The following STAG3 variants were observed in gnomAD, a reference collection of about 807,000 sequenced individuals.
STAG3 encodes cohesin subunit SA-3.
A neutral mutation model predicts 160.7 loss-of-function variants in STAG3; 101 were observed. The ratio of observed to expected loss-of-function variants is 0.63; its 90% CI spans 0.54 to 0.74. The LOEUF (loss-of-function observed/expected upper bound fraction) is 0.74, where lower values mean the gene tolerates loss of function less well. Among genes scored for constraint, STAG3 ranks in the 30% least tolerant of loss-of-function variants. The pLI, the probability that STAG3 is intolerant of heterozygous loss-of-function variation, is 0.00. For missense variants in STAG3, 1,188 were observed against 1,517.4 expected (o/e 0.78, Z 3.61); for synonymous variants, 519 against 585.0 (o/e 0.89, Z 1.63).
intron 29 of STAG3, among the ~76,000 whole-genome samples, chr7:100,208,482 G>A (rs1405344428): frequency 6.6e-6 from 1 of 152,134 alleles, no homozygotes; most frequent in Non-Finnish European, 1.5e-5. Flanking sequence ...AGAATGATGA[G>A]AGCTTTACCA....
intron 8 of STAG3, among the ~76,000 whole-genome samples, chr7:100,192,543 T>C (rs1314137376): frequency 1.3e-5 from 2 of 152,098 alleles, no homozygotes; most frequent in African/African-American, 4.8e-5. Context: ...TAAAATAAAA[T>C]AAGATAAAAT....
chr7:100,208,684 G>A (rs990770337), intron 29 of STAG3, among the ~76,000 whole-genome samples: 1 of 152,198 alleles, frequency 6.6e-6, no homozygotes, highest in African/African-American at 2.4e-5. Context: ...AAACTGAAGA[G>A]TTTGTTTTTA....
intron 8 of STAG3, among the ~76,000 whole-genome samples, chr7:100,193,592 TTC>T (rs1319968700): frequency 6.6e-6 from 1 of 152,260 alleles, no homozygotes; most frequent in Non-Finnish European, 1.5e-5. Flanking sequence ...TGGAGAGGGC[TTC>T]TTTCCTTAAA....
chr7:100,217,315 CTTCT>C (rs1802846368), downstream of STAG3, among the ~76,000 whole-genome samples: 1 of 152,218 alleles, frequency 6.6e-6, no homozygotes, highest in Non-Finnish European at 1.5e-5. Flanking sequence ...AGGGCTCTGG[CTTCT>C]CAGCAGCACC....
intron 14 of STAG3, 109 bp downstream of exon 14, chr7:100,199,066 G>C: frequency 9.4e-7 from 1 of 1,066,498 alleles, no homozygotes; most frequent in Non-Finnish European, 1.4e-6. Context: ...GAGGTGGGAG[G>C]ATCCTTTGAG....
chr7:100,197,610 TTAAG>T (rs1178132602), intron 10 of STAG3, 164 bp from the exon 11 acceptor site: 4 of 692,452 alleles, frequency 5.8e-6, no homozygotes, highest in South Asian at 3.4e-5. Context: ...CTTTTGTTTT[TTAAG>T]TAAGAAGACA....
chr7:100,208,112 T>C (rs1255095449), intron 29 of STAG3, among the ~76,000 whole-genome samples: 2 of 151,464 alleles, frequency 1.3e-5, no homozygotes, highest in Non-Finnish European at 2.9e-5. Context: ...CGAGATACTG[T>C]CTCAGAAAAA....
At chr7:100,188,075 C>T (rs1326428793) in intron 5 of STAG3, among the ~76,000 whole-genome samples, 2 of 152,080 alleles carry the variant, frequency 1.3e-5, no homozygotes, top group Non-Finnish European at 2.9e-5. Context: ...CTTCTTTAGG[C>T]CGTTCTTGTT....
chr7:100,198,082 T>A lies in STAG3; in HGVS notation c.1165-5T>A. The A allele has an allele frequency of 6.2e-7, 1 of 1,613,974 alleles. No homozygotes were observed. The highest frequency in any genetic ancestry group is 1.7e-4 in the Middle Eastern group (1 of 6,056). ...AGATATTGAGTGACTTTCTCCTTTCTGCAGGACCGGATGGTTTCCATGGTC... is the reference window on the plus strand; with the variant it reads ...AGATATTGAGTGACTTTCTCCTTTCAGCAGGACCGGATGGTTTCCATGGTC... On this transcript the variant is annotated splice_polypyrimidine_tract_variant and splice_region_variant and intron_variant, in intron 11 of 33. Transcript: ENST00000615138.
intron 26 of STAG3, among the ~76,000 whole-genome samples, 162 bp downstream of exon 26, chr7:100,204,284 GTAT>G (rs1316147813): frequency 1.3e-5 from 2 of 152,142 alleles, no homozygotes; most frequent in African/African-American, 4.8e-5. Context: ...CCCTTGGGAA[GTAT>G]TTTTTTTTTA....
At chr7:100,217,719 G>T (rs1440477768), downstream of STAG3, among the ~76,000 whole-genome samples, 1 of 152,156 alleles carries the variant, frequency 6.6e-6, no homozygotes, top group Non-Finnish European at 1.5e-5. Flanking sequence ...CCAGACAGGG[G>T]TCTTTACCTT....
In STAG3 at chr7:100,211,080, CG is replaced by C. The variant is rs2117523122; in HGVS notation, c.3309del (p.Thr1105ArgfsTer9). On this transcript the variant is annotated frameshift_variant, in exon 30 of 34. Transcript: ENST00000615138. LOFTEE classifies it high-confidence loss of function. ...GAAAGTCTGCAGCTGAACAGCATCC[CG>C]CCCACGCCCACCCTCACCTCCACAG... is the stretch of plus-strand genomic sequence containing the variant. ...QEESLQLNSI[P>X]PTPTLTSTAV... 1.3e-5 allele frequency: 21 copies of C among 1,595,076 alleles called. No homozygotes were observed. Among genetic ancestry groups the C allele is most frequent in the Non-Finnish European group, 1.5e-5 (18 of 1,162,846 alleles).
At chr7:100,186,620 G>T (rs376913831) in intron 5 of STAG3, among the ~76,000 whole-genome samples, 1 of 152,058 alleles carries the variant, frequency 6.6e-6, no homozygotes, top group African/African-American at 2.4e-5. Context: ...GGAGGTGGAG[G>T]TTATAGTGAG....
At chr7:100,196,635 T>C (rs1293837930) in intron 9 of STAG3, among the ~76,000 whole-genome samples, 1 of 151,942 alleles carries the variant, frequency 6.6e-6, no homozygotes, top group Non-Finnish European at 1.5e-5. Context: ...CTACTAAAAA[T>C]ACAAAAAGGA....
chr7:100,200,942 C>A lies in STAG3; in HGVS notation c.2034C>A (p.Phe678Leu). ...SQLVDLLTDR[F>L]QQELEELLQS... is the part of the protein sequence containing the mutation. ...TAGTAGATTTGCTGACTGACCGCTTCCAGCAGGAGCTTGAAGAGCTGTTAC... is the reference window on the plus strand; with the variant it reads ...TAGTAGATTTGCTGACTGACCGCTTACAGCAGGAGCTTGAAGAGCTGTTAC... The change falls in exon 19 of 34, where the codon TTC becomes TTA. Residue 678 changes from phenylalanine (F) to leucine (L), a missense_variant. Phe to Leu is a conservative substitution (Grantham distance 22). Transcript: ENST00000615138. 6.2e-7 allele frequency: 1 copy of A among 1,614,222 alleles called. No homozygotes were observed. Among genetic ancestry groups the A allele is most frequent in the East Asian group, 2.2e-5 (1 of 44,876 alleles).
chr7:100,195,949 G>A (rs892740412), intron 9 of STAG3, among the ~76,000 whole-genome samples: 1 of 152,110 alleles, frequency 6.6e-6, no homozygotes, highest in African/African-American at 2.4e-5. Flanking sequence ...GACCAACATG[G>A]AGAAACTCCA....
At chr7:100,203,531 T>C (rs1173451703) in intron 25 of STAG3, among the ~76,000 whole-genome samples, 1 of 151,384 alleles carries the variant, frequency 6.6e-6, no homozygotes, top group Non-Finnish European at 1.5e-5. Flanking sequence ...TATTTATTTT[T>C]TGAGACGGAA....
chr7:100,182,139 T>G lies in STAG3; in HGVS notation c.166T>G (p.Leu56Val). The G allele has an allele frequency of 3.7e-6, 6 of 1,613,470 alleles. No individual in the cohort carries two copies. The South Asian group carries it at 6.6e-5, about 18-fold the overall frequency. The change falls in exon 3 of 34, where the codon TTG (leucine) becomes GTG (valine). Residue 56 changes from leucine to valine, a missense_variant. Physicochemically the swap from Leu to Val is conservative, Grantham distance 32 (BLOSUM62 1). Coordinates refer to ENST00000615138, the MANE Select transcript of STAG3 (RefSeq NM_001282717.2). ...TGAAGACACTGACTTTGAAGACAGC[T>G]TGAATCGCAATGTGAAGAAGAGAGC... ...ADEDTDFEDS[L>V]NRNVKKRAAK...
intron 29 of STAG3, among the ~76,000 whole-genome samples, chr7:100,210,620 T>C (rs968969511): frequency 2.0e-5 from 3 of 152,224 alleles, no homozygotes; most frequent in Admixed American, 6.5e-5. Context: ...AAATCTTGGA[T>C]AGGATCTCAG....
Sources: gnomAD v4.1 joint callset for allele counts (sites outside exome capture counted in the v4.1 genomes callset) on GRCh38, gnomAD v4.1.1 for gene constraint, MANE v1.5 for transcripts, NCBI Gene and HGNC (gene_info 2026-07-23, HGNC 2026-07-21) for gene names.